Variants in ZFC3H1 observed in about 807,000 individuals in gnomAD.
The protein encoded by ZFC3H1 is zinc finger C3H1 domain-containing protein.
In ZFC3H1, 71 loss-of-function variants were observed where a neutral mutation model predicts 243.7. The observed-to-expected ratio is 0.29, with a 90% CI of 0.24 to 0.36. The LOEUF is 0.36. Ranked by LOEUF, ZFC3H1 falls within the 10% of genes least tolerant of loss-of-function variation. The pLI is 1.00. For synonymous variants in ZFC3H1, 838 were observed against 813.0 expected (o/e 1.03, Z -0.52); for missense variants, 1,966 against 2,317.1 (o/e 0.85, Z 3.11).
At chr12:71,662,268 C>T (rs1881197875) in intron 1 of ZFC3H1, among the ~76,000 whole-genome samples, 1 of 152,180 alleles carries the variant, frequency 6.6e-6, no homozygotes, top group Non-Finnish European at 1.5e-5. Flanking sequence ...TACCCGTAAT[C>T]TCCACCCTCG....
At chr12:71,625,465 G>A (rs1880141105) in intron 22 of ZFC3H1, among the ~76,000 whole-genome samples, 1 of 152,190 alleles carries the variant, frequency 6.6e-6, no homozygotes, top group Non-Finnish European at 1.5e-5. Context: ...GCCCAGGCAG[G>A]AGGATTGCAT....
intron 4 of ZFC3H1, 125 bp from the exon 5 acceptor site, chr12:71,644,443 G>T (rs1849371909): frequency 2.8e-6 from 3 of 1,064,560 alleles, no homozygotes; most frequent in African/African-American, 3.2e-5. Context: ...ATATAAGATT[G>T]TCTTCCATTT....
intron 27 of ZFC3H1, among the ~76,000 whole-genome samples, chr12:71,618,733 C>G (rs187026877): frequency 3.3e-5 from 5 of 152,140 alleles, no homozygotes; most frequent in South Asian, 2.1e-4. Context: ...GAGCCTCCCC[C>G]CAAAAAATCA....
chr12:71,623,973 T>G lies in ZFC3H1; in HGVS notation c.4506+131A>C, dbSNP rs1050690070. 4 of 912,362 alleles carry G rather than the reference T, an allele frequency of 4.4e-6. No individual in the cohort carries two copies. The East Asian group carries it at 9.8e-5, about 22-fold the overall frequency. The allele number at this position is 912,362 out of a possible 1,614,324, so 56.5% of individuals were successfully genotyped here. On this transcript the variant is annotated intron_variant, in intron 23 of 34. Coordinates refer to ENST00000378743, the MANE Select transcript of ZFC3H1 (RefSeq NM_144982.5). ...ACTTACCCAATGTCACATGACTTAC[T>G]AGTAAGTGGAAAAACAAGGATTCAA...
At chr12:71,610,785 A>G in intron 33 of ZFC3H1, 28 bp from the exon 34 acceptor site, 1 of 1,596,408 alleles carries the variant, frequency 6.3e-7, no homozygotes, top group Non-Finnish European at 8.6e-7. Context: ...ACACAATTCC[A>G]TCAGAAAATA....
At chr12:71,617,372 T>C (rs1443242646) in intron 27 of ZFC3H1, among the ~76,000 whole-genome samples, 1 of 152,200 alleles carries the variant, frequency 6.6e-6, no homozygotes, top group African/African-American at 2.4e-5. Flanking sequence ...ATAAACAGGA[T>C]ACCTTTTTCT....
chr12:71,632,387 T>G lies in ZFC3H1; in HGVS notation c.2945A>C (p.Lys982Thr). 6.2e-7 allele frequency: 1 copy of G among 1,613,366 alleles called. No homozygotes were observed. The highest frequency in any genetic ancestry group is 8.5e-7 in the Non-Finnish European group (1 of 1,179,858). ...LEYEYALKIQKLKEARALKAK... is the reference protein window; with the variant it reads ...LEYEYALKIQTLKEARALKAK... ...TTTAAGGGCACGGGCTTCTTTTAAT[T>G]TTTGAATTTTCAGGGCATATTCATA... Residue 982 changes from lysine (K) to threonine (T), a missense_variant, in exon 15 of 35, where the codon AAA becomes ACA. This residue lies in a region of ZFC3H1 where 1,383 missense variants were observed against 1,723.7 expected (regional missense o/e 0.80). Coordinates refer to ENST00000378743, the MANE Select transcript of ZFC3H1 (RefSeq NM_144982.5).
intron 27 of ZFC3H1, among the ~76,000 whole-genome samples, chr12:71,615,962 T>A (rs1166653211): frequency 2.0e-5 from 3 of 152,138 alleles, no homozygotes; most frequent in African/African-American, 7.2e-5. Context: ...GTATCTGAAA[T>A]TTTCCAATGA....
rs765447153 is a variant in ZFC3H1, at chr12:71,663,345, G to A, written c.266C>T (p.Ser89Leu). Reference protein sequence around the residue: ...SQQQLRNFSRSRHASERGHLR... With the variant: ...SQQQLRNFSRLRHASERGHLR... ...GTGGCCCCGCTCAGACGCGTGCCGC[G>A]AGCGTGAGAAATTCCTCAGCTGCTG... Residue 89 changes from serine (S) to leucine (L), a missense_variant, in exon 1 of 35, where the codon TCG (serine) becomes TTG (leucine). By Grantham distance (145) the Ser-to-Leu change is moderately radical. Coordinates refer to ENST00000378743, the MANE Select transcript of ZFC3H1 (RefSeq NM_144982.5). The A allele has an allele frequency of 1.9e-6, 3 of 1,613,156 alleles. No individual in the cohort carries two copies. Among genetic ancestry groups the A allele is most frequent in the Admixed American group, 1.7e-5 (1 of 60,028 alleles).
chr12:71,640,975 A>G (rs1880588260), intron 6 of ZFC3H1, among the ~76,000 whole-genome samples: 2 of 152,182 alleles, frequency 1.3e-5, no homozygotes, highest in East Asian at 3.9e-4. Context: ...CAAATATAAT[A>G]TGTCTGTGTT....
intron 27 of ZFC3H1, among the ~76,000 whole-genome samples, chr12:71,616,566 T>C (rs1879898706): frequency 6.6e-6 from 1 of 152,242 alleles, no homozygotes; most frequent in Admixed American, 6.5e-5. Context: ...TATAGAATTC[T>C]ACTTGACTAA....
rs372673892 is a variant in ZFC3H1, at chr12:71,624,206, T to C, written c.4404A>G (p.Glu1468=). 3 of 1,614,100 alleles carry C rather than the reference T, an allele frequency of 1.9e-6. No individual in the cohort carries two copies. Among genetic ancestry groups the C allele is most frequent in the Non-Finnish European group, 2.5e-6 (3 of 1,179,996 alleles). Residue 1468 remains glutamate, a synonymous_variant, in exon 23 of 35, where the codon GAA becomes GAG. Transcript: ENST00000378743. ...LEFLMGAAKQ[E]TSNILSFQLL... ...GCTGAAAGGACAAAATATTGGATGTTTCCTGCTTGGCTGCTCCCATCAGAA... is the reference window on the plus strand; with the variant it reads ...GCTGAAAGGACAAAATATTGGATGTCTCCTGCTTGGCTGCTCCCATCAGAA...
At chr12:71,629,150 G>T (rs148253027) in intron 19 of ZFC3H1, 113 bp from the exon 20 acceptor site, 23 of 913,436 alleles carry the variant, frequency 2.5e-5, no homozygotes, top group African/African-American at 3.5e-5. Flanking sequence ...TCTTAGAAAT[G>T]ATACGTATTT....
intron 3 of ZFC3H1, among the ~76,000 whole-genome samples, chr12:71,646,314 A>G (rs1017522399): frequency 6.6e-6 from 1 of 152,186 alleles, no homozygotes; most frequent in African/African-American, 2.4e-5. Context: ...ATCAAATTCT[A>G]TTACCTAGTA....
At chr12:71,653,523 G>A (rs1592602689) in intron 2 of ZFC3H1, among the ~76,000 whole-genome samples, 1 of 152,062 alleles carries the variant, frequency 6.6e-6, no homozygotes, top group South Asian at 2.1e-4. Context: ...CCAGATTCAA[G>A]AAACAACAAA....
Position 71,656,912 on chromosome 12 carries a change from T to G in ZFC3H1, c.988A>C (p.Lys330Gln), listed in dbSNP as rs1170637052. 5 of 1,612,722 alleles carry G rather than the reference T, an allele frequency of 3.1e-6. No homozygotes were observed. In the East Asian group the frequency reaches 1.1e-4, roughly 36 times the overall value. Reference protein sequence around the residue: ...VKDGAKPLSLKSDTTDSSQGL... With the variant: ...VKDGAKPLSLQSDTTDSSQGL... ...TGACTAGAATCAGTAGTGTCGGATT[T>G]CAGGGAAAGTGGTTTTGCTCCATCT... Residue 330 changes from lysine to glutamine, a missense_variant, in exon 2 of 35, where the codon AAA becomes CAA. Coordinates refer to ENST00000378743, the MANE Select transcript of ZFC3H1 (RefSeq NM_144982.5).
In ZFC3H1 at chr12:71,663,259, G is replaced by A. The variant is rs201386440; in HGVS notation, c.352C>T (p.Arg118Trp). The A allele has an allele frequency of 6.2e-7, 1 of 1,613,754 alleles. No homozygotes were observed. Among genetic ancestry groups the A allele is most frequent in the Non-Finnish European group, 8.5e-7 (1 of 1,180,050 alleles). ...TCGGACAGTGAGCTCGAAGGCATCC[G>A]TACAGAAGGCGGATGAGACCGGAAC... ...EPFRSHPPSV[R>W]MPSSSLSESS... Residue 118 changes from arginine to tryptophan, a missense_variant, in exon 1 of 35, where the codon CGG (arginine) becomes TGG (tryptophan). Physicochemically the swap from Arg to Trp is moderately radical, Grantham distance 101 (BLOSUM62 -3). Coordinates refer to ENST00000378743, the MANE Select transcript of ZFC3H1 (RefSeq NM_144982.5).
chr12:71,649,235 C>A (rs1223191218), intron 2 of ZFC3H1, among the ~76,000 whole-genome samples: 3 of 152,104 alleles, frequency 2.0e-5, no homozygotes, highest in Non-Finnish European at 2.9e-5. Flanking sequence ...TAGGAATACA[C>A]AAACAACATA....
rs1177935735 is a variant in ZFC3H1 at position 71,642,470 on chromosome 12, A to G, written c.1593T>C (p.Val531=). The change falls in exon 6 of 35, where the codon GTT becomes GTC. Residue 531 remains valine (V), a synonymous_variant. Transcript: ENST00000378743. ...GIYQYDNYEE[V]AMDTDSETSS... ...TGGTTTCACTATCTGTATCCATAGC[A>G]ACTTCTTCATAGTTATCATACTGAT... 6.2e-7 allele frequency: 1 copy of G among 1,613,248 alleles called. No homozygotes were observed. The highest frequency in any genetic ancestry group is 8.5e-7 in the Non-Finnish European group (1 of 1,179,636).
Sources: allele counts gnomAD v4.1 joint callset (sites outside exome capture counted in the v4.1 genomes callset), GRCh38; gene constraint gnomAD v4.1.1; regional missense constraint gnomAD v4.1.1; transcripts MANE v1.5; gene names NCBI Gene and HGNC (gene_info 2026-07-23, HGNC 2026-07-21).